Variants in CCDC149 observed in about 807,000 individuals in gnomAD.
CCDC149 encodes the protein coiled-coil domain containing 149, also known as coiled-coil domain-containing protein 149.
CCDC149 carries 45 observed loss-of-function variants against 59.9 expected under a neutral mutation model. That is an observed-to-expected ratio of 0.75 (90% CI 0.59 to 0.96). The LOEUF is 0.96. CCDC149 is among the 40% of genes least tolerant of loss of function. The pLI is 0.00. For missense variants in CCDC149, 584 were observed against 664.7 expected (o/e 0.88, Z 1.33); for synonymous variants, 245 against 260.6 (o/e 0.94, Z 0.58).
At chr4:24,868,392 G>A (rs1163738463) in intron 3 of CCDC149, among the ~76,000 whole-genome samples, 1 of 152,022 alleles carries the variant, frequency 6.6e-6, no homozygotes, top group Non-Finnish European at 1.5e-5. Flanking sequence ...TATGTTTAAG[G>A]GACAAGAGTC....
chr4:24,946,785 C>G (rs913969662), intron 1 of CCDC149, among the ~76,000 whole-genome samples: 1 of 152,166 alleles, frequency 6.6e-6, no homozygotes, highest in Non-Finnish European at 1.5e-5. Flanking sequence ...TGTGATTAGT[C>G]TAAAGATTTG....
intron 1 of CCDC149, among the ~76,000 whole-genome samples, chr4:24,899,251 G>C (rs139705301): frequency 1.2e-4 from 18 of 152,310 alleles, no homozygotes; most frequent in African/African-American, 3.8e-4. Context: ...TTAGAATCGG[G>C]TTGGGAGGTG....
At chr4:24,804,068 G>A (rs2109073959), downstream of CCDC149, among the ~76,000 whole-genome samples, 1 of 152,298 alleles carries the variant, frequency 6.6e-6, no homozygotes, top group East Asian at 1.9e-4. Flanking sequence ...AGTGTGTTGG[G>A]GGCAATGCTT....
At chr4:24,852,807 C>A (rs114416965) in intron 4 of CCDC149, among the ~76,000 whole-genome samples, 2,209 of 152,080 alleles carry the variant, frequency 0.015, 50 homozygotes, top group African/African-American at 0.05. Context: ...TGTTATTCAC[C>A]ACTAAGTTGA....
upstream of CCDC149, among the ~76,000 whole-genome samples, chr4:24,917,245 C>T (rs1311848220): frequency 6.6e-6 from 1 of 152,212 alleles, no homozygotes; most frequent in Non-Finnish European, 1.5e-5. Context: ...CCTCCCTGCC[C>T]AGCGGCAAAC....
At chr4:24,856,830 C>T (rs1259098939) in intron 3 of CCDC149, among the ~76,000 whole-genome samples, 2 of 152,232 alleles carry the variant, frequency 1.3e-5, no homozygotes, top group African/African-American at 4.8e-5. Flanking sequence ...CTCATTGATC[C>T]TTTTCCCTGG....
At chr4:24,882,082 T>G (rs1292678468) in intron 1 of CCDC149, among the ~76,000 whole-genome samples, 2 of 152,242 alleles carry the variant, frequency 1.3e-5, no homozygotes, top group Admixed American at 6.5e-5. Flanking sequence ...AATTTGAATT[T>G]GGCTACTTTT....
chr4:24,825,752 G>A lies in CCDC149; in HGVS notation c.966-3179C>T, dbSNP rs372963066. Among the ~76,000 whole-genome samples the A allele has an allele frequency of 3.8e-3, 573 of 150,000 alleles. 6 individuals carry two copies. Among genetic ancestry groups the A allele is most frequent in the African/African-American group, 0.013 (519 of 40,762 alleles). ...AGCGCCACTGCACTCCGACCTGGGC[G>A]ACAGAGCAAGACTCCGTCTCAAAAA... On this transcript the variant is annotated intron_variant, in intron 9 of 12. Coordinates refer to ENST00000635206, the MANE Select transcript of CCDC149 (RefSeq NM_001330643.2).
intron 1 of CCDC149, among the ~76,000 whole-genome samples, chr4:24,904,061 A>G (rs1017002936): frequency 1.3e-5 from 2 of 152,100 alleles, no homozygotes; most frequent in Non-Finnish European, 2.9e-5. Flanking sequence ...CAGCCTCCCA[A>G]AGTGCTGCGA....
At chr4:24,939,642 G>A (rs1055633190) in intron 1 of CCDC149, among the ~76,000 whole-genome samples, 2 of 151,810 alleles carry the variant, frequency 1.3e-5, no homozygotes, top group African/African-American at 4.8e-5. Context: ...AGTTAAAAAC[G>A]TTGAAAAAAA....
At chr4:24,917,401 G>C (rs146741065), upstream of CCDC149, among the ~76,000 whole-genome samples, 1 of 152,212 alleles carries the variant, frequency 6.6e-6, no homozygotes. Flanking sequence ...CCGGGGACCC[G>C]CAGTTGTCAT....
chr4:24,952,061 C>A (rs927161008), intron 1 of CCDC149, among the ~76,000 whole-genome samples: 2 of 152,074 alleles, frequency 1.3e-5, no homozygotes, highest in East Asian at 3.9e-4. Context: ...TCAGATCATC[C>A]TCTTTCTCAT....
intron 3 of CCDC149, among the ~76,000 whole-genome samples, chr4:24,869,764 T>A (rs1181346639): frequency 1.3e-5 from 2 of 152,200 alleles, no homozygotes; most frequent in African/African-American, 4.8e-5. Context: ...GGGTACATAT[T>A]TATCCCCATT....
At chr4:24,958,691 G>C (rs1045287083) in intron 1 of CCDC149, among the ~76,000 whole-genome samples, 1 of 152,132 alleles carries the variant, frequency 6.6e-6, no homozygotes, top group African/African-American at 2.4e-5. Context: ...TGCAGAATTA[G>C]TGAAGATCAA....
chr4:24,908,378 T>C (rs1042873979), intron 1 of CCDC149, among the ~76,000 whole-genome samples: 1 of 152,112 alleles, frequency 6.6e-6, no homozygotes, highest in Non-Finnish European at 1.5e-5. Context: ...CTGGACTCTA[T>C]ACCTACTCAA....
intron 12 of CCDC149, among the ~76,000 whole-genome samples, chr4:24,813,226 A>G (rs1714747116): frequency 6.6e-6 from 1 of 152,094 alleles, no homozygotes; most frequent in Non-Finnish European, 1.5e-5. Flanking sequence ...AAACAGGAAG[A>G]AGGCCCTCCT....
At chr4:24,820,054 G>T in intron 11 of CCDC149, 79 bp from the exon 12 acceptor site, 1 of 1,015,158 alleles carries the variant, frequency 9.9e-7, no homozygotes, top group South Asian at 1.6e-5. Flanking sequence ...CACTTAATCG[G>T]CACAGGGCTG....
upstream of CCDC149, among the ~76,000 whole-genome samples, chr4:24,916,105 C>A (rs6818215): frequency 4.5e-3 from 688 of 152,278 alleles, 5 homozygotes; most frequent in Non-Finnish European, 7.6e-3. Flanking sequence ...AAATGTGCCA[C>A]CCTGTTACAA....
chr4:24,826,552 G>A (rs1290227946), intron 9 of CCDC149, among the ~76,000 whole-genome samples: 6 of 152,204 alleles, frequency 3.9e-5, no homozygotes, highest in Non-Finnish European at 7.3e-5. Context: ...TGGGGGAGCA[G>A]AGCCAGCAGC....
Sources: allele counts gnomAD v4.1 joint callset (sites outside exome capture counted in the v4.1 genomes callset), GRCh38; gene constraint gnomAD v4.1.1; transcripts MANE v1.5; gene names NCBI Gene and HGNC (gene_info 2026-07-23, HGNC 2026-07-21).